The following ADAMTSL3 variants were observed in gnomAD, a reference collection of about 807,000 sequenced individuals.
ADAMTSL3 encodes the protein ADAMTS like 3, also known as ADAMTS-like protein 3.
A neutral mutation model predicts 201.7 loss-of-function variants in ADAMTSL3; 128 were observed. The ratio of observed to expected loss-of-function variants is 0.63; its 90% CI spans 0.55 to 0.73. The LOEUF (loss-of-function observed/expected upper bound fraction) is 0.73, where lower values mean the gene tolerates loss of function less well. Among genes scored for constraint, ADAMTSL3 ranks in the 30% least tolerant of loss-of-function variants. The pLI, the probability that ADAMTSL3 is intolerant of heterozygous loss-of-function variation, is 0.00. For synonymous variants in ADAMTSL3, 738 were observed against 748.4 expected (o/e 0.99, Z 0.23); for missense variants, 1,990 against 2,119.6 (o/e 0.94, Z 1.20).
intron 27 of ADAMTSL3, among the ~76,000 whole-genome samples, chr15:84,028,909 C>A (rs1194441376): frequency 2.6e-5 from 4 of 152,158 alleles, no homozygotes. Flanking sequence ...GGCTTTTCCC[C>A]CTTTGGCACT....
At chr15:83,670,083 T>A (rs1456411972) in intron 2 of ADAMTSL3, among the ~76,000 whole-genome samples, 1 of 150,426 alleles carries the variant, frequency 6.6e-6, no homozygotes, top group Non-Finnish European at 1.5e-5. Context: ...CATGGTGAAA[T>A]CTCATCTCTA....
intron 7 of ADAMTSL3, among the ~76,000 whole-genome samples, chr15:83,843,049 C>T (rs2064415174): frequency 6.6e-6 from 1 of 152,154 alleles, no homozygotes; most frequent in African/African-American, 2.4e-5. Context: ...ATTATTCTCT[C>T]TCTCTCTGTC....
chr15:83,890,034 T>A lies in ADAMTSL3; in HGVS notation c.1073-75T>A, dbSNP rs906123890. On this transcript the variant is annotated intron_variant, in intron 10 of 29. Coordinates refer to ENST00000286744, the MANE Select transcript of ADAMTSL3 (RefSeq NM_207517.3). ...TTCTTAAAGAGGAAAAAAAAAAGTG[T>A]GTGGCAAGTGATAACTCTGCCAAGT... The A allele has an allele frequency of 4.7e-5, 70 of 1,474,090 alleles. 1 individual carries two copies. In the African/African-American group the frequency reaches 7.5e-4, roughly 16 times the overall value. The allele number at this position is 1,474,090 out of a possible 1,614,324, so 91.3% of individuals were successfully genotyped here.
intron 6 of ADAMTSL3, among the ~76,000 whole-genome samples, chr15:83,828,049 T>G (rs938102729): frequency 2.0e-4 from 30 of 152,218 alleles, no homozygotes; most frequent in Non-Finnish European, 3.8e-4. Flanking sequence ...TCCAATTCTG[T>G]GAAGAAATTC....
At chr15:83,796,656 G>A (rs1456726452) in intron 4 of ADAMTSL3, among the ~76,000 whole-genome samples, 1 of 152,148 alleles carries the variant, frequency 6.6e-6, no homozygotes, top group African/African-American at 2.4e-5. Context: ...AACAAAATAG[G>A]GGACTTGCCT....
At chr15:83,787,154 C>T (rs1181003223) in intron 4 of ADAMTSL3, among the ~76,000 whole-genome samples, 2 of 152,180 alleles carry the variant, frequency 1.3e-5, no homozygotes, top group Admixed American at 1.3e-4. Context: ...GCAATTCTCA[C>T]TCTTTACTAG....
intron 15 of ADAMTSL3, among the ~76,000 whole-genome samples, chr15:83,904,730 T>C (rs1258814170): frequency 6.6e-6 from 1 of 152,214 alleles, no homozygotes; most frequent in Admixed American, 6.5e-5. Flanking sequence ...AGCCTCTTCG[T>C]TTGTTTCTGT....
At chr15:83,764,595 C>A (rs1378735681) in intron 3 of ADAMTSL3, among the ~76,000 whole-genome samples, 1 of 152,074 alleles carries the variant, frequency 6.6e-6, no homozygotes, top group African/African-American at 2.4e-5. Context: ...GGCCTTAGTT[C>A]CTCTCAGGCA....
intron 2 of ADAMTSL3, among the ~76,000 whole-genome samples, chr15:83,686,631 T>C (rs149967246): frequency 8.1e-4 from 124 of 152,276 alleles, no homozygotes; most frequent in Non-Finnish European, 1.5e-3. Flanking sequence ...CCTTCTTAGG[T>C]ATGGAGTCTG....
chr15:83,867,592 A>T (rs755638674), intron 8 of ADAMTSL3, among the ~76,000 whole-genome samples: 3 of 152,234 alleles, frequency 2.0e-5, no homozygotes, highest in Non-Finnish European at 2.9e-5. Context: ...ATAAGCATGG[A>T]TGCAGTACCT....
At chr15:83,813,969 G>A (rs2063734675) in intron 5 of ADAMTSL3, among the ~76,000 whole-genome samples, 1 of 152,176 alleles carries the variant, frequency 6.6e-6, no homozygotes, top group Non-Finnish European at 1.5e-5. Context: ...GCTGGAAGAG[G>A]CAAAGGGAAA....
chr15:83,685,983 T>G (rs1567071389), intron 2 of ADAMTSL3, among the ~76,000 whole-genome samples: 1 of 148,602 alleles, frequency 6.7e-6, no homozygotes, highest in Non-Finnish European at 1.5e-5. Flanking sequence ...CTTTCCAGCC[T>G]CTTGCTGGCA....
At chr15:84,031,475 C>G in intron 28 of ADAMTSL3, 43 bp downstream of exon 28, 3 of 1,517,434 alleles carry the variant, frequency 2.0e-6, no homozygotes, top group Non-Finnish European at 2.7e-6. Flanking sequence ...TCTCCTGACT[C>G]ACTCAGGACA....
chr15:83,863,528 G>A (rs1330526537), intron 8 of ADAMTSL3, among the ~76,000 whole-genome samples: 4 of 152,110 alleles, frequency 2.6e-5, no homozygotes, highest in African/African-American at 4.8e-5. Context: ...GGTACATAAC[G>A]AAATGAAGGC....
Position 83,913,246 on chromosome 15 carries a change from C to A in ADAMTSL3, c.1855C>A (p.Pro619Thr). 1.2e-6 allele frequency: 2 copies of A among 1,614,166 alleles called. No homozygotes were observed. Among genetic ancestry groups the A allele is most frequent in the Non-Finnish European group, 1.7e-6 (2 of 1,180,038 alleles). The part of the protein sequence containing the change: ...CEGPKLPTER[P>T]CLLEACDESP... ...AGGCCCCAAGCTGCCCACCGAACGG[C>A]CCTGCCTCCTGGAAGCATGTGATGA... Residue 619 changes from proline to threonine, a missense_variant, in exon 16 of 30, where the codon CCC (proline) becomes ACC (threonine). Transcript: ENST00000286744.
chr15:83,882,350 C>T (rs2065290123), intron 9 of ADAMTSL3, among the ~76,000 whole-genome samples: 1 of 152,160 alleles, frequency 6.6e-6, no homozygotes, highest in African/African-American at 2.4e-5. Flanking sequence ...AACCCTGCCT[C>T]TCCTCCCCTA....
intron 9 of ADAMTSL3, among the ~76,000 whole-genome samples, chr15:83,880,140 G>A (rs558295382): frequency 4.0e-5 from 6 of 151,802 alleles, no homozygotes; most frequent in Admixed American, 3.9e-4. Flanking sequence ...TTGAGGTCCA[G>A]GTGTCTCATG....
In ADAMTSL3 at chr15:83,874,742, C is replaced by T. The variant is rs1254232088; in HGVS notation, c.960+3783C>T. 3.5e-5 allele frequency among the ~76,000 whole-genome samples: 5 copies of T among 142,738 alleles called. 1 individual carries two copies. Among genetic ancestry groups the T allele is most frequent in the African/African-American group, 1.4e-4 (5 of 36,866 alleles). The allele number at this position is 142,738 out of a possible 152,430, so 93.6% of individuals were successfully genotyped here. On this transcript the variant is annotated intron_variant, in intron 9 of 29. Coordinates refer to ENST00000286744, the MANE Select transcript of ADAMTSL3 (RefSeq NM_207517.3). ...TGCAGCAAGACAAGAATGACAGTGTCGAGGGACTAGGGGAAAGATAGTGTG... is the reference window on the plus strand; with the variant it reads ...TGCAGCAAGACAAGAATGACAGTGTTGAGGGACTAGGGGAAAGATAGTGTG...
intron 4 of ADAMTSL3, among the ~76,000 whole-genome samples, chr15:83,791,673 A>G (rs371984589): frequency 3.9e-5 from 6 of 152,264 alleles, no homozygotes; most frequent in African/African-American, 9.6e-5. Context: ...CCTGGCTAAC[A>G]TGGTGAAACC....
Sources: allele counts gnomAD v4.1 joint callset (sites outside exome capture counted in the v4.1 genomes callset), GRCh38; gene constraint gnomAD v4.1.1; transcripts MANE v1.5; gene names NCBI Gene and HGNC (gene_info 2026-07-23, HGNC 2026-07-21).